Variants in PIGK observed in about 807,000 individuals in gnomAD.
PIGK encodes phosphatidylinositol glycan anchor biosynthesis class K, also known as GPI-anchor transamidase.
PIGK carries 42 observed loss-of-function variants against 50.6 expected under a neutral mutation model. That is an observed-to-expected ratio of 0.83 (90% CI 0.65 to 1.07). The LOEUF is 1.07. PIGK is among the 50% of genes least tolerant of loss of function. PIGK has a pLI of 0.00. For synonymous variants in PIGK, 151 were observed against 156.0 expected (o/e 0.97, Z 0.24); for missense variants, 448 against 488.7 (o/e 0.92, Z 0.78).
chr1:77,092,702 T>C (rs930948930), intron 10 of PIGK, among the ~76,000 whole-genome samples: 2 of 152,096 alleles, frequency 1.3e-5, no homozygotes, highest in African/African-American at 4.8e-5. Flanking sequence ...AAAGATCAGT[T>C]TCAGCTTATA....
intron 8 of PIGK, among the ~76,000 whole-genome samples, chr1:77,159,082 G>C (rs1655075635): frequency 6.6e-6 from 1 of 152,080 alleles, no homozygotes; most frequent in African/African-American, 2.4e-5. Flanking sequence ...TGTGGGCTGG[G>C]CCTAGGACCC....
In PIGK at chr1:77,166,834, AG is replaced by A. The variant is rs752569770; in HGVS notation, c.376-5del. 43 of 1,376,658 alleles carry A rather than the reference AG, an allele frequency of 3.1e-5. No homozygotes were observed. The East Asian group carries it at 3.4e-4, about 11-fold the overall frequency. 85.3% of individuals were successfully genotyped at this position (1,376,658 alleles called of 1,614,324 possible). A position where few individuals can be genotyped will look rare whatever the true frequency, so the allele number is the denominator to read the frequency against. ...GTAAAAAATTCTCCACAGTTACCTA[AG>A]GGGGAAAAAACAAGAAAAATCAGAT... On this transcript the variant is annotated splice_polypyrimidine_tract_variant and splice_region_variant and intron_variant, in intron 4 of 10. Coordinates refer to ENST00000370812, the MANE Select transcript of PIGK (RefSeq NM_005482.3).
rs1349344961 is a variant in PIGK, at chr1:77,125,548, G to A, written c.987-3189C>T. 3.3e-5 allele frequency among the ~76,000 whole-genome samples: 5 copies of A among 152,088 alleles called. No homozygotes were observed. In the South Asian group the frequency reaches 8.3e-4, roughly 25 times the overall value. ...TTGCTTTATTTTGATATCAAGAAGT[G>A]TGATGCTAAATTGGTTCTATGTTAA... is the stretch of plus-strand genomic sequence containing the variant. On this transcript the variant is annotated intron_variant, in intron 9 of 10. Coordinates refer to ENST00000370812, the MANE Select transcript of PIGK (RefSeq NM_005482.3).
At chr1:77,190,235 C>A (rs1655867494) in intron 3 of PIGK, among the ~76,000 whole-genome samples, 1 of 150,736 alleles carries the variant, frequency 6.6e-6, no homozygotes, top group Non-Finnish European at 1.5e-5. Flanking sequence ...CAAAAAAAAA[C>A]AAAAAACAAA....
chr1:77,092,595 A>G, intron 10 of PIGK, 105 bp from the exon 11 acceptor site: 1 of 712,768 alleles, frequency 1.4e-6, no homozygotes, highest in Non-Finnish European at 2.5e-6. Flanking sequence ...TTGTGTTTGA[A>G]TGGGGACTAG....
chr1:77,137,456 A>C (rs922481854), intron 9 of PIGK, among the ~76,000 whole-genome samples: 1 of 152,182 alleles, frequency 6.6e-6, no homozygotes, highest in African/African-American at 2.4e-5. Flanking sequence ...TTACATTTTT[A>C]ATTTGAATAA....
chr1:77,135,585 T>C (rs930943470), intron 9 of PIGK, among the ~76,000 whole-genome samples: 1 of 152,074 alleles, frequency 6.6e-6, no homozygotes, highest in Non-Finnish European at 1.5e-5. Flanking sequence ...TATTCACTTA[T>C]TTAAAATGTG....
chr1:77,105,891 A>G (rs1443452607), intron 10 of PIGK, among the ~76,000 whole-genome samples: 1 of 152,232 alleles, frequency 6.6e-6, no homozygotes, highest in East Asian at 1.9e-4. Flanking sequence ...AAACAAAAAT[A>G]AGAATGACTG....
intron 9 of PIGK, among the ~76,000 whole-genome samples, chr1:77,147,121 A>G (rs1249513915): frequency 6.6e-6 from 1 of 152,180 alleles, no homozygotes; most frequent in Non-Finnish European, 1.5e-5. Flanking sequence ...GCAGAAGGCA[A>G]AAGGCGCTTC....
rs746696897 is a variant in PIGK, at chr1:77,163,859, A to G, written c.571T>C (p.Trp191Arg). The G allele has an allele frequency of 5.6e-6, 9 of 1,599,932 alleles. No homozygotes were observed. Among genetic ancestry groups the G allele is most frequent in the Non-Finnish European group, 7.7e-6 (9 of 1,169,498 alleles). The change falls in exon 6 of 11, where the codon TGG (tryptophan) becomes CGG (arginine). Residue 191 changes from tryptophan to arginine, a missense_variant. Physicochemically the swap from Trp to Arg is moderately radical, Grantham distance 101 (BLOSUM62 -3). Coordinates refer to ENST00000370812, the MANE Select transcript of PIGK (RefSeq NM_005482.3). ...TTTGCTAATTACCGTCTTTTCTGCC[A>G]CATTTGTTCAAAAGCATCCGCGAGT... is the stretch of plus-strand genomic sequence containing the variant. The part of the protein sequence containing the change: ...IELADAFEQM[W>R]QKRRYNELLF...
At chr1:77,216,583 A>C (rs991409518) in intron 1 of PIGK, among the ~76,000 whole-genome samples, 1 of 152,068 alleles carries the variant, frequency 6.6e-6, no homozygotes, top group Non-Finnish European at 1.5e-5. Context: ...TGACATGATA[A>C]ATATAGAATA....
chr1:77,104,958 G>A (rs1029888439), intron 10 of PIGK, among the ~76,000 whole-genome samples: 10 of 152,160 alleles, frequency 6.6e-5, no homozygotes, highest in Admixed American at 1.3e-4. Context: ...ATGGAGCAAC[G>A]GGGCGACTTC....
intron 3 of PIGK, among the ~76,000 whole-genome samples, chr1:77,187,045 T>C (rs1655766309): frequency 6.6e-6 from 1 of 152,184 alleles, no homozygotes; most frequent in East Asian, 1.9e-4. Flanking sequence ...TCCACCGTCA[T>C]GGTATTTCAC....
intron 10 of PIGK, among the ~76,000 whole-genome samples, chr1:77,101,608 T>C (rs1653542836): frequency 6.6e-6 from 1 of 152,214 alleles, no homozygotes; most frequent in South Asian, 2.1e-4. Context: ...TAAATGCCAA[T>C]TCATTAATGT....
chr1:77,157,916 G>C (rs1655044246), intron 8 of PIGK, among the ~76,000 whole-genome samples: 1 of 152,192 alleles, frequency 6.6e-6, no homozygotes. Context: ...CACCATGTAA[G>C]ATGTGCCCTT....
intron 10 of PIGK, among the ~76,000 whole-genome samples, chr1:77,116,598 G>GCA (rs1653978547): frequency 3.4e-5 from 2 of 59,112 alleles, no homozygotes; most frequent in African/African-American, 1.6e-4. Flanking sequence ...GTGTGTGTGC[G>GCA]CGTGTGTGTG....
At position 77,107,622 on chromosome 1, in the gene PIGK, G is replaced by A. The variant is rs537275337; in HGVS notation, c.1071+14653C>T. The stretch of plus-strand genomic sequence containing the variant: ...TATTAGGTCTGCTTGGTGCAGAGCT[G>A]AGTTCAATTCCTGGGTATCCTTGTT... On this transcript the variant is annotated intron_variant, in intron 10 of 10. Coordinates refer to ENST00000370812, the MANE Select transcript of PIGK (RefSeq NM_005482.3). Among the ~76,000 whole-genome samples, 75 of 152,270 alleles carry A rather than the reference G, an allele frequency of 4.9e-4. 1 individual carries two copies. Among genetic ancestry groups the A allele is most frequent in the African/African-American group, 1.8e-3 (74 of 41,564 alleles).
chr1:77,155,761 C>T (rs1276157961), intron 8 of PIGK, among the ~76,000 whole-genome samples: 3 of 152,058 alleles, frequency 2.0e-5, no homozygotes, highest in East Asian at 1.9e-4. Context: ...AGGGTCCAGG[C>T]GCACAGCACC....
intron 9 of PIGK, among the ~76,000 whole-genome samples, chr1:77,142,443 A>T (rs999198073): frequency 1.3e-5 from 2 of 152,198 alleles, no homozygotes; most frequent in African/African-American, 4.8e-5. Flanking sequence ...TAGAGAGTAG[A>T]TCACCCTATG....
Sources: allele counts gnomAD v4.1 joint callset (sites outside exome capture counted in the v4.1 genomes callset), GRCh38; gene constraint gnomAD v4.1.1; transcripts MANE v1.5; gene names NCBI Gene and HGNC (gene_info 2026-07-23, HGNC 2026-07-21).